Variants in NCAPG2 observed in about 807,000 individuals in gnomAD.
NCAPG2 encodes the protein condensin-2 complex subunit G2.
NCAPG2 carries 53 observed loss-of-function variants against 141.1 expected under a neutral mutation model. That is an observed-to-expected ratio of 0.38 (90% CI 0.30 to 0.47). The LOEUF (loss-of-function observed/expected upper bound fraction) is 0.47. Ranked by LOEUF, NCAPG2 falls within the 20% of genes least tolerant of loss-of-function variation. The pLI is 0.99. For synonymous variants in NCAPG2, 499 were observed against 490.7 expected, an observed-to-expected ratio of 1.02 and a Z score of -0.22; for missense variants, 1,087 against 1,389.0, an observed-to-expected ratio of 0.78 and a Z score of 3.46.
At chr7:158,648,486 T>G (rs1297806957) in intron 24 of NCAPG2, among the ~76,000 whole-genome samples, 3 of 124,108 alleles carry the variant, frequency 2.4e-5, no homozygotes, top group Non-Finnish European at 5.2e-5. Context: ...TTCATTAAAG[T>G]CAAATGGACT....
rs111749495 is a variant in NCAPG2 at position 158,672,278 on chromosome 7, A to ATG, written c.1327-614_1327-613dup. The stretch of plus-strand genomic sequence containing the variant: ...AAAGTATATACGGTATTCCAAACAC[A>ATG]TGTGTGTGTGTGTGTATATATATAT... On this transcript the variant is annotated intron_variant, in intron 12 of 27. Coordinates refer to ENST00000356309, the MANE Select transcript of NCAPG2 (RefSeq NM_017760.7). Among the ~76,000 whole-genome samples, 201 of 22,872 alleles carry ATG rather than the reference A, an allele frequency of 8.8e-3. 1 individual carries two copies. Among genetic ancestry groups the ATG allele is most frequent in the Non-Finnish European group, 0.012 (167 of 13,872 alleles). 15.0% of individuals were successfully genotyped at this position (22,872 alleles called of 152,430 possible).
chr7:158,651,093 C>A lies in NCAPG2; in HGVS notation c.2935-121G>T, dbSNP rs1222952306. ...CCCCAGGACTCAAGGAGTCACTGATCTTGTTTGCCTGCTACCAGTGCCCAC... is the reference window on the plus strand; with the variant it reads ...CCCCAGGACTCAAGGAGTCACTGATATTGTTTGCCTGCTACCAGTGCCCAC... On this transcript the variant is annotated intron_variant, in intron 23 of 27. Transcript: ENST00000356309. The A allele has an allele frequency of 4.7e-6, 5 of 1,058,216 alleles. No individual in the cohort carries two copies. The Admixed American group carries it at 1.4e-4, about 30-fold the overall frequency. 65.6% of individuals were successfully genotyped at this position (1,058,216 alleles called of 1,614,324 possible). A position where few individuals can be genotyped will look rare whatever the true frequency, so the allele number is the denominator to read the frequency against.
intron 27 of NCAPG2, among the ~76,000 whole-genome samples, chr7:158,632,968 C>A (rs1829982663): frequency 6.6e-6 from 1 of 152,160 alleles, no homozygotes. Flanking sequence ...ATGTGTTCAG[C>A]AGCCACTGTA....
Position 158,655,484 on chromosome 7 carries a change from T to C in NCAPG2, c.2389-29A>G, listed in dbSNP as rs371026277. Reference sequence around the variant, plus strand: ...TAATAGAAAAAACCCAAGGGCCACATGCTGACTGACAAGGCACCACCACAC... The same window carrying C: ...TAATAGAAAAAACCCAAGGGCCACACGCTGACTGACAAGGCACCACCACAC... On this transcript the variant is annotated intron_variant, in intron 19 of 27. Coordinates refer to ENST00000356309, the MANE Select transcript of NCAPG2 (RefSeq NM_017760.7). The C allele has an allele frequency of 5.7e-4, 903 of 1,573,444 alleles. 2 individuals are homozygous for C. The highest frequency in any genetic ancestry group is 1.6e-3 in the Admixed American group (93 of 59,894).
intron 27 of NCAPG2, among the ~76,000 whole-genome samples, chr7:158,639,250 GGTGA>G (rs1830482082): frequency 6.6e-6 from 1 of 152,068 alleles, no homozygotes; most frequent in African/African-American, 2.4e-5. Flanking sequence ...TGGGACCACA[GGTGA>G]GTGCCACAAT....
intron 2 of NCAPG2, 120 bp from the exon 3 acceptor site, chr7:158,693,617 C>T (rs4909262): frequency 0.9 from 770,408 of 857,732 alleles, 346,421 homozygotes; most frequent in East Asian, 0.95. Flanking sequence ...AGTTTGGTTG[C>T]AGTATTCAAA....
intron 26 of NCAPG2, 101 bp from the exon 27 acceptor site, chr7:158,644,489 C>A (rs1360597656): frequency 4.3e-6 from 4 of 937,586 alleles, no homozygotes; most frequent in Non-Finnish European, 6.9e-6. Context: ...GCTGGGCCTC[C>A]CTATCCTTCC....
intron 16 of NCAPG2, 125 bp downstream of exon 16, chr7:158,662,058 AAACACTAATCC>A (rs1392221226): frequency 2.4e-6 from 2 of 823,580 alleles, no homozygotes; most frequent in African/African-American, 3.6e-5. Flanking sequence ...ACTGCAAGGT[AAACACTAATCC>A]AACCCTCTCA....
chr7:158,663,681 T>C (rs2129460275), intron 15 of NCAPG2, among the ~76,000 whole-genome samples: 1 of 152,336 alleles, frequency 6.6e-6, no homozygotes, highest in Admixed American at 6.5e-5. Context: ...GTAGTGGGCA[T>C]TGCAAAATGA....
intron 2 of NCAPG2, among the ~76,000 whole-genome samples, chr7:158,695,755 G>A (rs1381079098): frequency 1.3e-5 from 2 of 152,274 alleles, no homozygotes; most frequent in East Asian, 1.9e-4. Context: ...AGGACACTGG[G>A]CAAAGGCAGG....
intron 27 of NCAPG2, chr7:158,640,941 G>C (rs1047022975): frequency 1.3e-5 from 2 of 152,050 alleles, no homozygotes; most frequent in African/African-American, 4.8e-5. Flanking sequence ...ATGATACAAG[G>C]AACGAGAGGC....
chr7:158,665,038 G>A (rs1392460885), intron 13 of NCAPG2: 1 of 276,140 alleles, frequency 3.6e-6, no homozygotes. Context: ...ACTCTCCAAT[G>A]ATAGCTATGA....
chr7:158,658,408 C>T lies in NCAPG2; in HGVS notation c.1990G>A (p.Asp664Asn), dbSNP rs747078281. ...AATAAAGGGATCTTGCAGCGATCAT[C>T]CTAAAAGCGAAAAAAGAAAAACAAA... ...VLPEYLKVFK[D>N]DRCKIPLFML... Residue 664 changes from aspartate to asparagine, a missense_variant and splice_region_variant, in exon 17 of 28, where the codon GAT becomes AAT. Physicochemically the swap from Asp to Asn is conservative, Grantham distance 23. Transcript: ENST00000356309. 1.2e-6 allele frequency: 2 copies of T among 1,605,250 alleles called. No individual in the cohort carries two copies. The highest frequency in any genetic ancestry group is 1.3e-5 in the African/African-American group (1 of 74,680).
At chr7:158,675,262 CTTA>C (rs1833982740) in intron 12 of NCAPG2, among the ~76,000 whole-genome samples, 1 of 152,214 alleles carries the variant, frequency 6.6e-6, no homozygotes, top group African/African-American at 2.4e-5. Flanking sequence ...CCCTTCCCCC[CTTA>C]CACTAAAAAC....
intron 11 of NCAPG2, among the ~76,000 whole-genome samples, chr7:158,678,798 T>C (rs1834261107): frequency 6.6e-6 from 1 of 152,032 alleles, no homozygotes; most frequent in Non-Finnish European, 1.5e-5. Flanking sequence ...AATGACTTCA[T>C]TTAGGGATGT....
chr7:158,679,246 G>C (rs1469634860), intron 11 of NCAPG2, among the ~76,000 whole-genome samples: 1 of 152,158 alleles, frequency 6.6e-6, no homozygotes, highest in Non-Finnish European at 1.5e-5. Flanking sequence ...AGCACCACAG[G>C]CAACAGCATT....
intron 6 of NCAPG2, 51 bp from the exon 7 acceptor site, chr7:158,687,493 C>T: frequency 7.6e-7 from 1 of 1,316,708 alleles, no homozygotes. Flanking sequence ...ATAAAAAGTG[C>T]CAAATAACAA....
At chr7:158,662,460 T>C (rs1832589220) in intron 15 of NCAPG2, 93 bp from the exon 16 acceptor site, 2 of 1,125,064 alleles carry the variant, frequency 1.8e-6, no homozygotes, top group East Asian at 2.6e-5. Flanking sequence ...AAAGCAAAAA[T>C]GTAGAGAACA....
Position 158,652,415 on chromosome 7 carries a change from T to C in NCAPG2, c.2812A>G (p.Ile938Val), listed in dbSNP as rs777345751. 1.2e-6 allele frequency: 2 copies of C among 1,613,592 alleles called. No individual in the cohort carries two copies. The highest frequency in any genetic ancestry group is 2.2e-5 in the South Asian group (2 of 90,988). The change falls in exon 23 of 28, where the codon ATT becomes GTT. Residue 938 changes from isoleucine (I) to valine (V), a missense_variant. By Grantham distance (29) the Ile-to-Val change is conservative. Coordinates refer to ENST00000356309, the MANE Select transcript of NCAPG2 (RefSeq NM_017760.7). ...TCTTCATCTGAATCTGTTTTCTGAATCAAGGAACTTCCAGTTATCTCTTTC... is the reference window on the plus strand; with the variant it reads ...TCTTCATCTGAATCTGTTTTCTGAACCAAGGAACTTCCAGTTATCTCTTTC... ...ILKEITGSSL[I>V]QKTDSDEEVA...
Sources: allele counts gnomAD v4.1 joint callset (sites outside exome capture counted in the v4.1 genomes callset), GRCh38; gene constraint gnomAD v4.1.1; transcripts MANE v1.5; gene names NCBI Gene and HGNC (gene_info 2026-07-23, HGNC 2026-07-21).